ETNK2: variants seen among roughly 807,000 people sequenced by gnomAD.
The protein encoded by ETNK2 is ethanolamine kinase 2.
In ETNK2, 33 loss-of-function variants were observed where a neutral mutation model predicts 46.2. That is an observed-to-expected ratio of 0.71 (90% CI 0.54 to 0.96). ETNK2 has a LOEUF of 0.96. Among genes scored for constraint, ETNK2 ranks in the 40% least tolerant of loss-of-function variants. ETNK2 has a pLI of 0.00. For missense variants in ETNK2, 445 were observed against 509.7 expected (o/e 0.87, Z 1.22); for synonymous variants, 194 against 209.0 (o/e 0.93, Z 0.62).
chr1:204,149,336 T>C lies in ETNK2; in HGVS notation c.518+367A>G, dbSNP rs1252306820. 7.2e-5 allele frequency among the ~76,000 whole-genome samples: 11 copies of C among 152,298 alleles called. No individual in the cohort carries two copies. In the South Asian group the frequency reaches 2.3e-3, roughly 32 times the overall value. On this transcript the variant is annotated intron_variant, in intron 2 of 7. Transcript: ENST00000367202. ...AAACAGAGACAGAGGTAGAAAACCC[T>C]GAGTGCCCTGGGGATCTGGCTCAGA...
In ETNK2 at chr1:204,151,603, G is replaced by A; in HGVS notation, c.250C>T (p.Arg84Trp). The A allele has an allele frequency of 6.5e-7, 1 of 1,548,508 alleles. No homozygotes were observed. Among genetic ancestry groups the A allele is most frequent in the Non-Finnish European group, 8.7e-7 (1 of 1,145,980 alleles). ...CGCGCCCACTCCGCTACCTTGGTCC[G>A]AACTTGCTCGGGTTTCCAATGCGGC... ...LRPHWKPEQVRTKRFTDGITN... is the reference protein window; with the variant it reads ...LRPHWKPEQVWTKRFTDGITN... Residue 84 changes from arginine to tryptophan, a missense_variant, in exon 1 of 8, where the codon CGG (arginine) becomes TGG (tryptophan). By Grantham distance (101) the Arg-to-Trp change is moderately radical. Coordinates refer to ENST00000367202, the MANE Select transcript of ETNK2 (RefSeq NM_018208.4). The surrounding 1 kb of genome is among the most constrained non-coding windows in gnomAD (Gnocchi z 8.0).
chr1:204,151,296 C>G lies in ETNK2; in HGVS notation c.258+299G>C, dbSNP rs1478119044. 1 of 520,462 alleles carries G rather than the reference C, an allele frequency of 1.9e-6. No homozygotes were observed. The highest frequency in any genetic ancestry group is 3.7e-5 in the East Asian group (1 of 26,772). 32.2% of individuals were successfully genotyped at this position (520,462 alleles called of 1,614,324 possible). On this transcript the variant is annotated intron_variant, in intron 1 of 7. Coordinates refer to ENST00000367202, the MANE Select transcript of ETNK2 (RefSeq NM_018208.4). The surrounding 1 kb of genome is among the most constrained non-coding windows in gnomAD (Gnocchi z 8.0). ...CGCGCTTCTGGTCAGCGAGGGGCAC[C>G]AGCACGCAGCGACAGGGGGTGCGGC...
At chr1:204,150,519 C>G (rs796467373) in intron 1 of ETNK2, 2 of 154,496 alleles carry the variant, frequency 1.3e-5, no homozygotes, top group African/African-American at 4.8e-5. Context: ...CAGGAGACAA[C>G]TGGGCTGCGA....
In ETNK2 at chr1:204,134,726, C is replaced by T. The variant is rs370676595; in HGVS notation, c.1015-138G>A. Reference sequence around the variant, plus strand: ...GAGATGTGGTGGGGTCTCCCTAGCACAAGCTGGGGAAATTCTGGAGGCCAA... The same window carrying T: ...GAGATGTGGTGGGGTCTCCCTAGCATAAGCTGGGGAAATTCTGGAGGCCAA... On this transcript the variant is annotated intron_variant, in intron 6 of 7. Coordinates refer to ENST00000367202, the MANE Select transcript of ETNK2 (RefSeq NM_018208.4). 547 of 1,572,280 alleles carry T rather than the reference C, an allele frequency of 3.5e-4. 1 individual carries two copies. The African/African-American group carries it at 6.6e-3, about 19-fold the overall frequency.
At chr1:204,133,028 ACTGG>A (rs896820244) in intron 7 of ETNK2, among the ~76,000 whole-genome samples, 5 of 152,080 alleles carry the variant, frequency 3.3e-5, no homozygotes, top group African/African-American at 1.2e-4. Context: ...TCTTTTTGTG[ACTGG>A]CTTATTTAGC....
chr1:204,147,279 G>T (rs1657826361), intron 2 of ETNK2, among the ~76,000 whole-genome samples: 1 of 152,224 alleles, frequency 6.6e-6, no homozygotes, highest in Non-Finnish European at 1.5e-5. Flanking sequence ...GAAACAGGCT[G>T]GCCCAGGGTA....
At chr1:204,145,621 G>A (rs1164637996) in intron 3 of ETNK2, among the ~76,000 whole-genome samples, 1 of 152,250 alleles carries the variant, frequency 6.6e-6, no homozygotes, top group African/African-American at 2.4e-5. Context: ...TGATAGGCAT[G>A]GCATGGGATG....
chr1:204,148,929 T>G (rs1657898297), intron 2 of ETNK2, among the ~76,000 whole-genome samples: 1 of 152,130 alleles, frequency 6.6e-6, no homozygotes, highest in South Asian at 2.1e-4. Context: ...TGGGCCTCAC[T>G]CAAGTCTGAG....
At chr1:204,136,530 T>A (rs919644561) in intron 6 of ETNK2, among the ~76,000 whole-genome samples, 1 of 151,162 alleles carries the variant, frequency 6.6e-6, no homozygotes, top group East Asian at 1.9e-4. Context: ...GCCAACATTG[T>A]GAAACCACGT....
chr1:204,134,601 CAG>C lies in ETNK2; in HGVS notation c.1015-15_1015-14del. On this transcript the variant is annotated splice_polypyrimidine_tract_variant and intron_variant, in intron 6 of 7. Transcript: ENST00000367202. ...AGAAGTGAGACGCCTGGAAACAGAC[CAG>C]AGAGGGTCAGCCTGGCAATCTCCCC... 1 of 1,613,978 alleles carries C rather than the reference CAG, an allele frequency of 6.2e-7. No individual in the cohort carries two copies. The highest frequency in any genetic ancestry group is 8.5e-7 in the Non-Finnish European group (1 of 1,179,886).
At chr1:204,147,071 C>T in intron 2 of ETNK2, 1 of 507,512 alleles carries the variant, frequency 2.0e-6, no homozygotes, top group East Asian at 4.9e-5. Flanking sequence ...TTGTCCTACC[C>T]CAGTGTACCC....
chr1:204,135,857 C>T (rs909943914), intron 6 of ETNK2, among the ~76,000 whole-genome samples: 3 of 152,200 alleles, frequency 2.0e-5, no homozygotes, highest in Non-Finnish European at 4.4e-5. Flanking sequence ...GCTGACTTGT[C>T]TTCTTACTTC....
Position 204,132,190 on chromosome 1 carries a change from T to A in ETNK2, c.1155A>T (p.Pro385=), listed in dbSNP as rs1657100353. The A allele has an allele frequency of 6.4e-7, 1 of 1,571,238 alleles. No homozygotes were observed. The highest frequency in any genetic ancestry group is 8.6e-7 in the Non-Finnish European group (1 of 1,157,980). ...VKPQASALEM[P]K Reference sequence around the variant, plus strand: ...GGAGGGATGGGGTGGCTGGTCACTTTGGCATCTCCAAGGCTGACGCTTGAG... The same window carrying A: ...GGAGGGATGGGGTGGCTGGTCACTTAGGCATCTCCAAGGCTGACGCTTGAG... The change falls in exon 8 of 8, where the codon CCA becomes CCT. Residue 385 remains proline, a synonymous_variant. Coordinates refer to ENST00000367202, the MANE Select transcript of ETNK2 (RefSeq NM_018208.4).
rs1367955281 is a variant in ETNK2, at chr1:204,146,713, G to C, written c.570C>G (p.Ser190Arg). 23 of 1,613,922 alleles carry C rather than the reference G, an allele frequency of 1.4e-5. No individual in the cohort carries two copies. Among genetic ancestry groups the C allele is most frequent in the Admixed American group, 3.3e-5 (2 of 60,016 alleles). ...TGTGCCAGAGGATGGGCTTGGGCAG[G>C]CTGCCGTTGGCGTGGATAGTATGAA... is the stretch of plus-strand genomic sequence containing the variant. ...AKIHTIHANG[S>R]LPKPILWHKM... Residue 190 changes from serine (S) to arginine (R), a missense_variant, in exon 3 of 8, where the codon AGC becomes AGG. By Grantham distance (110) the Ser-to-Arg change is moderately radical (BLOSUM62 -1). Coordinates refer to ENST00000367202, the MANE Select transcript of ETNK2 (RefSeq NM_018208.4).
chr1:204,147,281 C>T (rs1657826568), intron 2 of ETNK2, among the ~76,000 whole-genome samples: 1 of 152,188 alleles, frequency 6.6e-6, no homozygotes, highest in South Asian at 2.1e-4. Context: ...AACAGGCTGG[C>T]CCAGGGTAGC....
chr1:204,136,039 C>T (rs1313012806), intron 6 of ETNK2, among the ~76,000 whole-genome samples: 1 of 152,136 alleles, frequency 6.6e-6, no homozygotes, highest in African/African-American at 2.4e-5. Context: ...GGTAGTTACA[C>T]AGAAGTATGA....
At chr1:204,150,655 AGGAGAGG>A (rs1657968233) in intron 1 of ETNK2, 1 of 152,842 alleles carries the variant, frequency 6.5e-6, no homozygotes, top group Admixed American at 6.5e-5. Context: ...AAACTGAGGC[AGGAGAGG>A]GGAGGGACTG....
At chr1:204,147,930 G>A (rs760031113) in intron 2 of ETNK2, among the ~76,000 whole-genome samples, 12 of 152,242 alleles carry the variant, frequency 7.9e-5, no homozygotes, top group Middle Eastern at 3.2e-3. Flanking sequence ...GCAAGGCAGG[G>A]AAACAGACCT....
intron 3 of ETNK2, among the ~76,000 whole-genome samples, chr1:204,143,227 T>C (rs898570626): frequency 6.7e-6 from 1 of 148,732 alleles, no homozygotes; most frequent in Non-Finnish European, 1.5e-5. Context: ...TAAGATTCCT[T>C]TTTTTTTTTT....
Sources: allele counts gnomAD v4.1 joint callset (sites outside exome capture counted in the v4.1 genomes callset), GRCh38; gene constraint gnomAD v4.1.1; non-coding constraint Gnocchi (gnomAD v3.1); transcripts MANE v1.5; gene names NCBI Gene and HGNC (gene_info 2026-07-23, HGNC 2026-07-21).